The following ZNF420 variants were observed in gnomAD, a reference collection of about 807,000 sequenced individuals.
ZNF420 encodes the protein zinc finger protein 420.
A neutral mutation model predicts 44.7 loss-of-function variants in ZNF420; 31 were observed. The ratio of observed to expected loss-of-function variants is 0.69; its 90% CI spans 0.52 to 0.94. The LOEUF (loss-of-function observed/expected upper bound fraction) is 0.94, where lower values mean the gene tolerates loss of function less well. Among genes scored for constraint, ZNF420 ranks in the 40% least tolerant of loss-of-function variants. ZNF420 has a pLI of 0.00. For missense variants in ZNF420, 681 were observed against 827.9 expected (o/e 0.82, Z 2.18); for synonymous variants, 245 against 267.4 (o/e 0.92, Z 0.82).
At chr19:37,035,173 A>G (rs1351149039) in intron 1 of ZNF420, among the ~76,000 whole-genome samples, 1 of 152,122 alleles carries the variant, frequency 6.6e-6, no homozygotes, top group Non-Finnish European at 1.5e-5. Flanking sequence ...AGTTCAAATA[A>G]TGCAACTGCC....
chr19:37,129,907 A>G lies in ZNF420; in HGVS notation c.*849A>G. 7.8e-7 allele frequency: 1 copy of G among 1,280,664 alleles called. No individual in the cohort carries two copies. Among genetic ancestry groups the G allele is most frequent in the Non-Finnish European group, 1.0e-6 (1 of 970,416 alleles). 79.3% of individuals were successfully genotyped at this position (1,280,664 alleles called of 1,614,324 possible). On this transcript the variant is annotated 3_prime_UTR_variant, in exon 5 of 5. Transcript: ENST00000337995. ...CTTGAATGTATTGCTTTTGAAGTAAACAAAATAACTGATATTACAGACTAT... is the reference window on the plus strand; with the variant it reads ...CTTGAATGTATTGCTTTTGAAGTAAGCAAAATAACTGATATTACAGACTAT...
intron 4 of ZNF420, among the ~76,000 whole-genome samples, chr19:37,125,975 A>T (rs1272503017): frequency 6.6e-6 from 1 of 152,140 alleles, no homozygotes; most frequent in East Asian, 1.9e-4. Flanking sequence ...AGTCCAAAAC[A>T]CTGTTTAGTT....
At chr19:37,050,476 G>C (rs949903470) in intron 1 of ZNF420, among the ~76,000 whole-genome samples, 3 of 152,030 alleles carry the variant, frequency 2.0e-5, no homozygotes, top group African/African-American at 7.2e-5. Context: ...CTCTTTGAAG[G>C]AATTGTGAAT....
intron 4 of ZNF420, among the ~76,000 whole-genome samples, chr19:37,095,673 A>T (rs964306522): frequency 2.0e-5 from 3 of 151,986 alleles, no homozygotes; most frequent in Admixed American, 6.6e-5. Context: ...ATTTCGGCTC[A>T]CTGCAACCTC....
chr19:37,048,034 C>A (rs1026191400), intron 1 of ZNF420, among the ~76,000 whole-genome samples: 1 of 152,158 alleles, frequency 6.6e-6, no homozygotes, highest in Non-Finnish European at 1.5e-5. Context: ...AGCTGTCATA[C>A]ACACAACATT....
intron 1 of ZNF420, among the ~76,000 whole-genome samples, chr19:37,041,247 G>T (rs1215680115): frequency 6.7e-6 from 1 of 150,036 alleles, no homozygotes; most frequent in Non-Finnish European, 1.5e-5. Context: ...GGAGGCGGAG[G>T]TTGCAGTGAG....
chr19:37,115,935 C>G (rs1464974963), intron 4 of ZNF420, among the ~76,000 whole-genome samples: 1 of 152,122 alleles, frequency 6.6e-6, no homozygotes, highest in African/African-American at 2.4e-5. Context: ...AAGCACGCTG[C>G]CTTCAAGCAC....
intron 1 of ZNF420, among the ~76,000 whole-genome samples, chr19:37,043,496 C>T (rs1393101522): frequency 6.6e-6 from 1 of 152,116 alleles, no homozygotes; most frequent in Non-Finnish European, 1.5e-5. Flanking sequence ...TTATTCTTTC[C>T]TCTATGTTAA....
At chr19:37,059,567 G>A (rs2146438090) in intron 1 of ZNF420, among the ~76,000 whole-genome samples, 1 of 152,264 alleles carries the variant, frequency 6.6e-6, no homozygotes, top group African/African-American at 2.4e-5. Context: ...GAAACCACAG[G>A]CGGAGTCTGG....
chr19:37,117,848 C>T (rs555300595), intron 4 of ZNF420, among the ~76,000 whole-genome samples: 2 of 152,180 alleles, frequency 1.3e-5, no homozygotes, highest in South Asian at 2.1e-4. Context: ...GGAGCCGACA[C>T]GATCAACTGG....
At position 37,012,760 on chromosome 19, in the gene ZNF420, ATGTCTCTGTGTG is replaced by A. The variant is rs1404505940; in HGVS notation, c.-125+4682_-125+4693del. Reference sequence around the variant, plus strand: ...GGGTGTGCTTCTGTGCCACTGCTATATGTCTCTGTGTGTGTGTGTGTGTGTGTGTGTGTGTGT... The same window carrying A: ...GGGTGTGCTTCTGTGCCACTGCTATATGTGTGTGTGTGTGTGTGTGTGTGT... On this transcript the variant is annotated intron_variant, in intron 1 of 4. Transcript: ENST00000587029. Among the ~76,000 whole-genome samples, 373 of 102,006 alleles carry A rather than the reference ATGTCTCTGTGTG, an allele frequency of 3.7e-3. 2 individuals carry two copies. Among genetic ancestry groups the A allele is most frequent in the Admixed American group, 5.1e-3 (50 of 9,722 alleles). The allele number at this position is 102,006 out of a possible 152,430, so 66.9% of individuals were successfully genotyped here. A position where few individuals can be genotyped will look rare whatever the true frequency, so the allele number is the denominator to read the frequency against.
chr19:37,113,990 T>TGG (rs1202829751), intron 4 of ZNF420, among the ~76,000 whole-genome samples: 1 of 152,178 alleles, frequency 6.6e-6, no homozygotes, highest in Non-Finnish European at 1.5e-5. Flanking sequence ...TAAGGGGAGT[T>TGG]GGGTCCATAC....
At chr19:37,072,432 TC>T (rs1968072640) in intron 1 of ZNF420, among the ~76,000 whole-genome samples, 1 of 152,328 alleles carries the variant, frequency 6.6e-6, no homozygotes, top group East Asian at 1.9e-4. Context: ...TCCACAGGAT[TC>T]ACAAAGGAAG....
At chr19:37,117,914 G>T (rs1464405412) in intron 4 of ZNF420, among the ~76,000 whole-genome samples, 1 of 152,112 alleles carries the variant, frequency 6.6e-6, no homozygotes, top group Non-Finnish European at 1.5e-5. Context: ...AAGAAGAGAA[G>T]TTTAGAGAAA....
chr19:37,071,277 TAATCTC>T (rs1349494667), intron 1 of ZNF420, among the ~76,000 whole-genome samples: 2 of 152,182 alleles, frequency 1.3e-5, no homozygotes, highest in Non-Finnish European at 2.9e-5. Context: ...CTACACTACT[TAATCTC>T]AGGAACATAA....
intron 1 of ZNF420, among the ~76,000 whole-genome samples, chr19:37,021,880 T>A (rs1312671988): frequency 1.5e-5 from 2 of 135,726 alleles, no homozygotes; most frequent in African/African-American, 5.7e-5. Context: ...AAGGTTGTGG[T>A]GAGCCGAGAT....
intron 1 of ZNF420, among the ~76,000 whole-genome samples, chr19:37,052,080 C>A (rs2146425283): frequency 6.6e-6 from 1 of 152,234 alleles, no homozygotes; most frequent in East Asian, 1.9e-4. Flanking sequence ...GGATAGTTAG[C>A]TCTTCTTGTT....
chr19:37,081,549 T>C (rs1183918891), intron 2 of ZNF420, among the ~76,000 whole-genome samples: 1 of 150,786 alleles, frequency 6.6e-6, no homozygotes, highest in Admixed American at 6.6e-5. Context: ...TCACCCAGGC[T>C]GGAGTGCAGT....
In ZNF420 at chr19:37,091,072, T is replaced by C; in HGVS notation, c.87T>C (p.Asp29=). 1 of 1,612,184 alleles carries C rather than the reference T, an allele frequency of 6.2e-7. No individual in the cohort carries two copies. Among genetic ancestry groups the C allele is most frequent in the Non-Finnish European group, 8.5e-7 (1 of 1,179,484 alleles). Residue 29 remains aspartate (D), a synonymous_variant, in exon 4 of 5, where the codon GAT becomes GAC. Transcript: ENST00000337995. ...AATGCCTGGACTCTGCTCAGAGAGA[T>C]TTGTATAGAGATGTGATGTTGGAGA... The part of the protein sequence containing the change: ...EWECLDSAQR[D]LYRDVMLENY...
Sources: allele counts gnomAD v4.1 joint callset (sites outside exome capture counted in the v4.1 genomes callset), GRCh38; gene constraint gnomAD v4.1.1; transcripts MANE v1.5; gene names NCBI Gene and HGNC (gene_info 2026-07-23, HGNC 2026-07-21).